RB1: variants seen among roughly 807,000 people sequenced by gnomAD.
The protein encoded by RB1 is RB transcriptional corepressor 1.
In RB1, 18 loss-of-function variants were observed where a neutral mutation model predicts 135.4. The observed-to-expected ratio is 0.13, with a 90% CI of 0.09 to 0.20. The LOEUF is 0.20. RB1 is among the 10% of genes least tolerant of loss of function. The pLI, the probability that RB1 is intolerant of heterozygous loss-of-function variation, is 1.00. For missense variants in RB1, 868 were observed against 1,110.0 expected (o/e 0.78, Z 3.10); for synonymous variants, 365 against 373.2 (o/e 0.98, Z 0.25).
intron 17 of RB1, among the ~76,000 whole-genome samples, chr13:48,383,439 A>C (rs1948551818): frequency 6.6e-6 from 1 of 152,102 alleles, no homozygotes; most frequent in East Asian, 1.9e-4. Context: ...ACTGTGTTGC[A>C]TGCTAAGTAT....
At chr13:48,320,409 TG>T in intron 2 of RB1, 1 of 1,135,158 alleles carries the variant, frequency 8.8e-7, no homozygotes, top group Non-Finnish European at 1.3e-6. Context: ...TAAAGCTCCC[TG>T]GTGGGCCAAA....
chr13:48,323,381 TC>T (rs964413440), intron 2 of RB1, among the ~76,000 whole-genome samples: 2 of 152,048 alleles, frequency 1.3e-5, no homozygotes, highest in African/African-American at 4.8e-5. Flanking sequence ...TTTATTTCAT[TC>T]CCGATTTTGG....
intron 1 of RB1, among the ~76,000 whole-genome samples, chr13:48,306,924 T>C (rs756440536): frequency 1.3e-5 from 2 of 152,228 alleles, no homozygotes; most frequent in East Asian, 1.9e-4. Flanking sequence ...TGTATAATAT[T>C]ATCTATGGGT....
intron 17 of RB1, among the ~76,000 whole-genome samples, chr13:48,395,497 A>G (rs1948640909): frequency 6.6e-6 from 1 of 152,108 alleles, no homozygotes; most frequent in Non-Finnish European, 1.5e-5. Context: ...GGTTAGAGGA[A>G]TTGCTAACTA....
chr13:48,432,881 C>T (rs1949144676), intron 17 of RB1, among the ~76,000 whole-genome samples: 1 of 152,118 alleles, frequency 6.6e-6, no homozygotes, highest in Non-Finnish European at 1.5e-5. Flanking sequence ...CATAACCCTA[C>T]AACTCTAATA....
intron 17 of RB1, among the ~76,000 whole-genome samples, chr13:48,448,695 A>G (rs1949306184): frequency 6.6e-6 from 1 of 152,234 alleles, no homozygotes; most frequent in Non-Finnish European, 1.5e-5. Context: ...GCGCATCTTT[A>G]ACACATTCAT....
intron 17 of RB1, among the ~76,000 whole-genome samples, chr13:48,433,853 G>A (rs1949155938): frequency 1.3e-5 from 2 of 151,496 alleles, no homozygotes; most frequent in Admixed American, 1.3e-4. Flanking sequence ...TACAACTTTT[G>A]TCTTTATTAC....
intron 17 of RB1, among the ~76,000 whole-genome samples, chr13:48,430,651 A>G (rs1436367564): frequency 2.0e-5 from 3 of 152,128 alleles, no homozygotes; most frequent in Non-Finnish European, 4.4e-5. Context: ...GAGGCAGGAG[A>G]ATGGCTTGAA....
At chr13:48,384,180 C>T (rs427686) in intron 17 of RB1, among the ~76,000 whole-genome samples, 118,854 of 152,064 alleles carry the variant, frequency 0.78, 52,215 homozygotes, top group Non-Finnish European at 0.97. Flanking sequence ...CAATAGGAGA[C>T]GTGGAAGTCA....
intron 17 of RB1, among the ~76,000 whole-genome samples, chr13:48,410,562 T>C (rs1351624889): frequency 6.6e-6 from 1 of 152,212 alleles, no homozygotes; most frequent in Admixed American, 6.5e-5. Flanking sequence ...ACTTAAAACA[T>C]AAGTTCTTGA....
At chr13:48,444,707 T>C (rs572333068) in intron 17 of RB1, 1 of 152,264 alleles carries the variant, frequency 6.6e-6, no homozygotes, top group Non-Finnish European at 1.5e-5. Context: ...CTAATCCAGT[T>C]TTTATGATGT....
intron 17 of RB1, among the ~76,000 whole-genome samples, chr13:48,407,450 T>C (rs1948750361): frequency 6.6e-6 from 1 of 152,208 alleles, no homozygotes; most frequent in African/African-American, 2.4e-5. Context: ...TGTTCATTTA[T>C]TATCTGATCT....
chr13:48,389,776 C>T (rs554646670), intron 17 of RB1: 4 of 152,352 alleles, frequency 2.6e-5, no homozygotes, highest in African/African-American at 9.6e-5. Flanking sequence ...TCCTCCCTCC[C>T]TAGAGTGGTT....
chr13:48,341,099 C>T (rs1420630243), intron 2 of RB1: 1 of 152,086 alleles, frequency 6.6e-6, no homozygotes, highest in South Asian at 2.1e-4. Flanking sequence ...CCCTCTGTTC[C>T]GCAGGCAACT....
chr13:48,460,441 C>T (rs1593536019), intron 20 of RB1, among the ~76,000 whole-genome samples: 1 of 152,132 alleles, frequency 6.6e-6, no homozygotes, highest in Non-Finnish European at 1.5e-5. Context: ...TTTAATGACA[C>T]AAAAGATCTT....
intron 2 of RB1, chr13:48,318,135 C>T: frequency 2.0e-6 from 1 of 512,656 alleles, no homozygotes; most frequent in Non-Finnish European, 3.5e-6. Flanking sequence ...GTCCTGGCTC[C>T]TGACGCCCTC....
chr13:48,432,499 A>G (rs116357023), intron 17 of RB1, among the ~76,000 whole-genome samples: 1,917 of 152,102 alleles, frequency 0.013, 44 homozygotes, highest in African/African-American at 0.044. Flanking sequence ...CTCTCATTAA[A>G]GAGCCCCAGA....
chr13:48,477,651 T>C (rs1949512472), intron 26 of RB1, among the ~76,000 whole-genome samples: 1 of 152,200 alleles, frequency 6.6e-6, no homozygotes, highest in African/African-American at 2.4e-5. Flanking sequence ...AAACATTGCT[T>C]GACCACATTC....
At chr13:48,381,200 C>A in intron 16 of RB1, 47 bp from the exon 17 acceptor site, 1 of 1,541,820 alleles carries the variant, frequency 6.5e-7, no homozygotes, top group South Asian at 1.3e-5. Context: ...ATACCTAGCT[C>A]AAGGGTTAAT....
Sources: allele counts gnomAD v4.1 joint callset (sites outside exome capture counted in the v4.1 genomes callset), GRCh38; gene constraint gnomAD v4.1.1; transcripts MANE v1.5; gene names NCBI Gene and HGNC (gene_info 2026-07-23, HGNC 2026-07-21).